The following IGF1R variants were observed in gnomAD, a reference collection of about 807,000 sequenced individuals.
The protein encoded by IGF1R is insulin like growth factor 1 receptor, also known as insulin-like growth factor 1 receptor.
A neutral mutation model predicts 144.6 loss-of-function variants in IGF1R; 44 were observed. That is an observed-to-expected ratio of 0.30 (90% CI 0.24 to 0.39). The LOEUF is 0.39. Among genes scored for constraint, IGF1R ranks in the 10% least tolerant of loss-of-function variants. IGF1R has a pLI of 1.00. For missense variants in IGF1R, 1,355 were observed against 1,833.7 expected (o/e 0.74, Z 4.77); for synonymous variants, 795 against 722.8 (o/e 1.10, Z -1.60).
At chr15:98,938,940 G>A (rs867137042) in intron 17 of IGF1R, among the ~76,000 whole-genome samples, 2 of 152,288 alleles carry the variant, frequency 1.3e-5, no homozygotes, top group Middle Eastern at 3.4e-3. Context: ...AATAGAAAAT[G>A]TTGGTCCTAA....
rs74034210 is a variant in IGF1R, at chr15:98,797,162, C to A, written c.640+89055C>A. 4.9e-3 allele frequency among the ~76,000 whole-genome samples: 749 copies of A among 152,338 alleles called. 12 individuals are homozygous for A. The highest frequency in any genetic ancestry group is 0.017 in the African/African-American group (702 of 41,566). ...GCAGCACTGATAAATGCCACACCTG[C>A]TTTCTCAGCAGTCTTGCGGGGTGAT... On this transcript the variant is annotated intron_variant, in intron 2 of 20. Transcript: ENST00000650285.
intron 2 of IGF1R, among the ~76,000 whole-genome samples, chr15:98,770,088 C>T (rs1210068780): frequency 6.6e-6 from 1 of 152,150 alleles, no homozygotes; most frequent in Non-Finnish European, 1.5e-5. Context: ...CCTGGCTCTG[C>T]CCTGGTTTTG....
intron 2 of IGF1R, among the ~76,000 whole-genome samples, chr15:98,876,895 T>C (rs1231647518): frequency 1.3e-5 from 2 of 152,246 alleles, no homozygotes; most frequent in Admixed American, 1.3e-4. Context: ...TTTTGTGATT[T>C]CTGCACAATG....
intron 2 of IGF1R, among the ~76,000 whole-genome samples, chr15:98,866,504 C>T (rs541970969): frequency 2.6e-5 from 4 of 152,196 alleles, no homozygotes; most frequent in African/African-American, 2.4e-5. Flanking sequence ...GAAACAGACT[C>T]TTGTTATTAA....
At position 98,931,391 on chromosome 15, in the gene IGF1R, A is replaced by G. The variant is rs372823708; in HGVS notation, c.2956+1086A>G. Among the ~76,000 whole-genome samples, 38 of 152,378 alleles carry G rather than the reference A, an allele frequency of 2.5e-4. No individual in the cohort carries two copies. The East Asian group carries it at 6.5e-3, about 26-fold the overall frequency. ...AATTATTGTGATCAAATAAGAAAAC[A>G]TAAGAAAATACTTTAATAATGTGAA... On this transcript the variant is annotated intron_variant, in intron 15 of 20. Transcript: ENST00000650285.
intron 2 of IGF1R, among the ~76,000 whole-genome samples, chr15:98,831,620 C>T (rs980589428): frequency 1.3e-5 from 2 of 152,184 alleles, no homozygotes; most frequent in East Asian, 3.8e-4. Flanking sequence ...TATATGTGTG[C>T]ATGGGAGTCA....
intron 2 of IGF1R, among the ~76,000 whole-genome samples, chr15:98,862,307 G>A (rs546259519): frequency 6.6e-6 from 1 of 152,212 alleles, no homozygotes; most frequent in Non-Finnish European, 1.5e-5. Context: ...CAAGGATCCA[G>A]GAGAGTCGCA....
Position 98,964,272 on chromosome 15 carries a change from TTC to T in IGF1R, c.*6832_*6833del, listed in dbSNP as rs200923028. 988 of 232,286 alleles carry T rather than the reference TTC, an allele frequency of 4.3e-3. 7 individuals carry two copies. Among genetic ancestry groups the T allele is most frequent in the African/African-American group, 0.019 (870 of 45,384 alleles). The allele number at this position is 232,286 out of a possible 1,614,324, so 14.4% of individuals were successfully genotyped here. A position where few individuals can be genotyped will look rare whatever the true frequency, so the allele number is the denominator to read the frequency against. On this transcript the variant is annotated 3_prime_UTR_variant, in exon 21 of 21. Transcript: ENST00000650285. ...GGCCAATTTGTTACATAAAATGACT[TTC>T]TGTGTATAAATTATTCCTAAAAAAT... is the stretch of plus-strand genomic sequence containing the variant.
rs148662051 is a variant in IGF1R at position 98,899,591 on chromosome 15, G to T, written c.1217G>T (p.Arg406Leu). 1.2e-6 allele frequency: 2 copies of T among 1,614,082 alleles called. No individual in the cohort carries two copies. Among genetic ancestry groups the T allele is most frequent in the East Asian group, 2.2e-5 (1 of 44,874 alleles). Residue 406 changes from arginine to leucine, a missense_variant, in exon 5 of 21, where the codon CGC (arginine) becomes CTC (leucine). Physicochemically the swap from Arg to Leu is moderately radical, Grantham distance 102. This residue lies in a region of IGF1R where 880 missense variants were observed against 1,202.7 expected (regional missense o/e 0.73). Coordinates refer to ENST00000650285, the MANE Select transcript of IGF1R (RefSeq NM_000875.5). ...LVSLSFLKNL[R>L]LILGEEQLEG... The stretch of plus-strand genomic sequence containing the variant: ...TCCTTGTCCTTCCTAAAAAACCTTC[G>T]CCTCATCCTAGGAGAGGAGCAGCTA...
intron 2 of IGF1R, among the ~76,000 whole-genome samples, chr15:98,714,283 C>T (rs920645239): frequency 2.0e-5 from 3 of 152,134 alleles, no homozygotes; most frequent in African/African-American, 7.2e-5. Flanking sequence ...GCTCTCCTTC[C>T]CTCGTTTTCC....
chr15:98,852,023 A>C (rs1389166430), intron 2 of IGF1R, among the ~76,000 whole-genome samples: 3 of 152,264 alleles, frequency 2.0e-5, no homozygotes, highest in South Asian at 4.1e-4. Flanking sequence ...ACAGAACTAA[A>C]AATTAATCTT....
chr15:98,834,103 ATT>A (rs2057051302), intron 2 of IGF1R, among the ~76,000 whole-genome samples: 1 of 152,252 alleles, frequency 6.6e-6, no homozygotes, highest in Non-Finnish European at 1.5e-5. Flanking sequence ...TCCCCAAGAA[ATT>A]AATCCATTCT....
At chr15:98,882,462 A>G (rs1156971934) in intron 2 of IGF1R, among the ~76,000 whole-genome samples, 2 of 152,238 alleles carry the variant, frequency 1.3e-5, no homozygotes, top group African/African-American at 4.8e-5. Context: ...ATCAGTATGC[A>G]ATGGATGACT....
chr15:98,823,261 G>A (rs985170978), intron 2 of IGF1R, among the ~76,000 whole-genome samples: 1 of 152,236 alleles, frequency 6.6e-6, no homozygotes, highest in Admixed American at 6.5e-5. Context: ...CCCTTGGAAA[G>A]GAGGAAGCCG....
chr15:98,881,767 A>T (rs931561820), intron 2 of IGF1R, among the ~76,000 whole-genome samples: 3 of 152,198 alleles, frequency 2.0e-5, no homozygotes, highest in African/African-American at 7.2e-5. Context: ...CTTGGTGTGA[A>T]CATTTGGTCA....
At chr15:98,716,721 T>C (rs2054126591) in intron 2 of IGF1R, among the ~76,000 whole-genome samples, 1 of 152,094 alleles carries the variant, frequency 6.6e-6, no homozygotes. Context: ...TGAGGGCTTA[T>C]GGGGGACAGT....
At chr15:98,876,329 A>T (rs1290774365) in intron 2 of IGF1R, among the ~76,000 whole-genome samples, 1 of 137,824 alleles carries the variant, frequency 7.3e-6, no homozygotes, top group East Asian at 2.7e-4. Context: ...AAAAAAAAAG[A>T]GAGAGAGAGT....
intron 2 of IGF1R, among the ~76,000 whole-genome samples, chr15:98,828,726 C>T (rs960228557): frequency 6.7e-6 from 1 of 149,420 alleles, no homozygotes; most frequent in Non-Finnish European, 1.5e-5. Flanking sequence ...AATCCTGAAA[C>T]GAATATTTTT....
chr15:98,942,392 G>C (rs1469389852), intron 18 of IGF1R, among the ~76,000 whole-genome samples: 1 of 152,164 alleles, frequency 6.6e-6, no homozygotes, highest in African/African-American at 2.4e-5. Flanking sequence ...GGAGTGCAGT[G>C]TTGTGATCAT....
Sources: allele counts gnomAD v4.1 joint callset (sites outside exome capture counted in the v4.1 genomes callset), GRCh38; gene constraint gnomAD v4.1.1; regional missense constraint gnomAD v4.1.1; transcripts MANE v1.5; gene names NCBI Gene and HGNC (gene_info 2026-07-23, HGNC 2026-07-21).